TRDN: variants seen among roughly 807,000 people sequenced by gnomAD.
TRDN encodes the protein triadin in skeletal muscle.
In TRDN, 161 loss-of-function variants were observed where a neutral mutation model predicts 149.7. The observed-to-expected ratio is 1.08, with a 90% CI of 0.95 to 1.23. The LOEUF (loss-of-function observed/expected upper bound fraction) is 1.23, where lower values mean the gene tolerates loss of function less well. Ranked by LOEUF, TRDN falls within the 50% of genes most tolerant of loss-of-function variation. TRDN has a pLI of 0.00. For synonymous variants in TRDN, 294 were observed against 250.5 expected, an observed-to-expected ratio of 1.17 and a Z score of -1.64; for missense variants, 896 against 823.5, an observed-to-expected ratio of 1.09 and a Z score of -1.08.
chr6:123,475,877 C>T (rs1777447725), intron 9 of TRDN, among the ~76,000 whole-genome samples: 1 of 152,066 alleles, frequency 6.6e-6, no homozygotes, highest in South Asian at 2.1e-4. Flanking sequence ...GCTAAAAACT[C>T]TCAATAAATT....
intron 23 of TRDN, among the ~76,000 whole-genome samples, chr6:123,327,613 C>A (rs529050092): frequency 6.6e-6 from 1 of 151,920 alleles, no homozygotes; most frequent in Non-Finnish European, 1.5e-5. Flanking sequence ...GTACCCTGAA[C>A]GAATAAATTT....
chr6:123,299,358 G>A (rs1778321014), intron 24 of TRDN, among the ~76,000 whole-genome samples: 1 of 152,000 alleles, frequency 6.6e-6, no homozygotes, highest in South Asian at 2.1e-4. Context: ...TTTGTCTCAG[G>A]TTTGCTATTT....
intron 19 of TRDN, among the ~76,000 whole-genome samples, chr6:123,369,858 G>C (rs1246731386): frequency 1.3e-5 from 2 of 151,914 alleles, no homozygotes; most frequent in African/African-American, 2.4e-5. Context: ...GCTTCGATCT[G>C]CTCCCTCATC....
chr6:123,595,200 G>T (rs1209110637), intron 1 of TRDN, among the ~76,000 whole-genome samples: 1 of 152,050 alleles, frequency 6.6e-6, no homozygotes, highest in African/African-American at 2.4e-5. Flanking sequence ...ACATTTTAAT[G>T]AAATCACTTA....
chr6:123,230,995 T>C (rs1034048732), intron 38 of TRDN, among the ~76,000 whole-genome samples: 1 of 151,940 alleles, frequency 6.6e-6, no homozygotes, highest in African/African-American at 2.4e-5. Flanking sequence ...GGGGAAAATA[T>C]CTGATTTTAC....
At chr6:123,562,523 TACCAA>T (rs1224011334) in intron 2 of TRDN, among the ~76,000 whole-genome samples, 1 of 152,176 alleles carries the variant, frequency 6.6e-6, no homozygotes, top group African/African-American at 2.4e-5. Context: ...TTCTCACAGA[TACCAA>T]AACTGCTGGC....
chr6:123,514,897 G>C (rs543214563), intron 6 of TRDN, among the ~76,000 whole-genome samples: 1 of 151,812 alleles, frequency 6.6e-6, no homozygotes, highest in South Asian at 2.1e-4. Context: ...ACATGGACTC[G>C]GGGGTAACAT....
intron 29 of TRDN, among the ~76,000 whole-genome samples, chr6:123,271,516 C>T (rs565579592): frequency 2.0e-5 from 3 of 151,904 alleles, no homozygotes; most frequent in African/African-American, 7.2e-5. Context: ...ATATATGTTC[C>T]CTTACTATTA....
chr6:123,574,661 G>A (rs570124936), intron 1 of TRDN, among the ~76,000 whole-genome samples: 1 of 151,722 alleles, frequency 6.6e-6, no homozygotes, highest in East Asian at 1.9e-4. Flanking sequence ...GAGAACACAA[G>A]AATTTGCTTT....
At chr6:123,428,492 C>T (rs138217690) in intron 12 of TRDN, among the ~76,000 whole-genome samples, 1 of 152,088 alleles carries the variant, frequency 6.6e-6, no homozygotes, top group Non-Finnish European at 1.5e-5. Context: ...ATTGTGTGAC[C>T]TCTGCATCAA....
In TRDN at chr6:123,294,122, C is replaced by A. The variant is rs757301048; in HGVS notation, c.1511-15040G>T. Among the ~76,000 whole-genome samples the A allele has an allele frequency of 3.3e-5, 5 of 152,232 alleles. 1 individual carries two copies. Among genetic ancestry groups the A allele is most frequent in the South Asian group, 4.2e-4 (2 of 4,814 alleles). Reference sequence around the variant, plus strand: ...AATAGACTAGTGTTGGATTATTTACCGGCTGAACACAGTGGATTCTGTAAA... The same window carrying A: ...AATAGACTAGTGTTGGATTATTTACAGGCTGAACACAGTGGATTCTGTAAA... On this transcript the variant is annotated intron_variant, in intron 24 of 40. Coordinates refer to ENST00000334268, the MANE Select transcript of TRDN (RefSeq NM_006073.4).
intron 9 of TRDN, among the ~76,000 whole-genome samples, chr6:123,480,746 T>C (rs1342585017): frequency 1.3e-5 from 2 of 152,060 alleles, no homozygotes; most frequent in Non-Finnish European, 2.9e-5. Flanking sequence ...ATTAAAATAA[T>C]TTATAAATAG....
chr6:123,236,461 A>G (rs1217818446), intron 38 of TRDN, among the ~76,000 whole-genome samples: 1 of 152,166 alleles, frequency 6.6e-6, no homozygotes, highest in African/African-American at 2.4e-5. Flanking sequence ...GAGATGGTAT[A>G]CAATTTATTA....
At chr6:123,560,076 A>G (rs754683428) in intron 2 of TRDN, among the ~76,000 whole-genome samples, 14 of 152,160 alleles carry the variant, frequency 9.2e-5, no homozygotes, top group Non-Finnish European at 2.1e-4. Flanking sequence ...TTTCTGTCCA[A>G]ACAACTTGAC....
chr6:123,530,707 G>A (rs921867902), intron 4 of TRDN, 142 bp from the exon 5 acceptor site: 2 of 446,364 alleles, frequency 4.5e-6, no homozygotes, highest in African/African-American at 4.1e-5. Flanking sequence ...GTCTAAAAGA[G>A]TCTTTGTAAC....
chr6:123,260,639 CT>C lies in TRDN; in HGVS notation c.1805-2del, dbSNP rs1333615782. On this transcript the variant is annotated splice_acceptor_variant, in intron 33 of 40. Coordinates refer to ENST00000334268, the MANE Select transcript of TRDN (RefSeq NM_006073.4). LOFTEE classifies it high-confidence loss of function. ...GATTCTGTGACTTCTGATGTTCCTT[CT>C]TTAGAAAAAAAAAAAAAAAGAATGT... is the stretch of plus-strand genomic sequence containing the variant. 75 of 754,172 alleles carry C rather than the reference CT, an allele frequency of 9.9e-5. No individual in the cohort carries two copies. The highest frequency in any genetic ancestry group is 1.2e-4 in the Non-Finnish European group (68 of 555,728). The allele number at this position is 754,172 out of a possible 1,614,324, so 46.7% of individuals were successfully genotyped here. A position where few individuals can be genotyped will look rare whatever the true frequency, so the allele number is the denominator to read the frequency against.
intron 12 of TRDN, among the ~76,000 whole-genome samples, chr6:123,436,991 C>G (rs1249956566): frequency 2.0e-5 from 3 of 152,134 alleles, no homozygotes; most frequent in Non-Finnish European, 4.4e-5. Flanking sequence ...ATGCTTATCA[C>G]CAAACCATAA....
intron 40 of TRDN, among the ~76,000 whole-genome samples, chr6:123,221,032 C>A (rs1775126878): frequency 6.6e-6 from 1 of 151,720 alleles, no homozygotes; most frequent in Non-Finnish European, 1.5e-5. Flanking sequence ...ATATTTAGAA[C>A]CTACCATACA....
intron 2 of TRDN, among the ~76,000 whole-genome samples, chr6:123,557,679 C>A (rs2114481216): frequency 6.6e-6 from 1 of 152,176 alleles, no homozygotes; most frequent in East Asian, 1.9e-4. Context: ...GGTGTGTGAC[C>A]ACGTGGGAAC....
Sources: allele counts gnomAD v4.1 joint callset (sites outside exome capture counted in the v4.1 genomes callset), GRCh38; gene constraint gnomAD v4.1.1; transcripts MANE v1.5; gene names NCBI Gene and HGNC (gene_info 2026-07-23, HGNC 2026-07-21).